The following POLQ variants were observed in gnomAD, a reference collection of about 807,000 sequenced individuals.
The protein encoded by POLQ is epididymis secretory sperm binding protein.
In POLQ, 233 loss-of-function variants were observed where a neutral mutation model predicts 259.2. The observed-to-expected ratio is 0.90, with a 90% CI of 0.81 to 1.00. The LOEUF is 1.00. Among genes scored for constraint, POLQ ranks in the 50% least tolerant of loss-of-function variants. The probability of loss-of-function intolerance (pLI) is 0.00; values close to 1 mark genes in which losing one functional copy is unlikely to be tolerated. For synonymous variants in POLQ, 1,025 were observed against 1,048.8 expected, an observed-to-expected ratio of 0.98 and a Z score of 0.44; for missense variants, 2,871 against 3,051.6, an observed-to-expected ratio of 0.94 and a Z score of 1.39.
rs2048243860 is a variant in POLQ, at chr3:121,510,236, A to C, written c.1619T>G (p.Val540Gly). Reference protein sequence around the residue: ...SMIRAILEIIVGGVASTSQDM... With the variant: ...SMIRAILEIIGGGVASTSQDM... The stretch of plus-strand genomic sequence containing the variant: ...TTGTGATGTACTTGCCACTCCACCA[A>C]CTATTATCTGAAAGAAGATATTTGG... The change falls in exon 11 of 30, where the codon GTT becomes GGT. Residue 540 changes from valine to glycine, a missense_variant. By Grantham distance (109) the Val-to-Gly change is moderately radical. Around this residue, in one of 3 missense-constraint regions of POLQ, gnomAD observed 783 missense variants for 906.2 expected, o/e 0.86. Transcript: ENST00000264233. The C allele has an allele frequency of 6.2e-7, 1 of 1,608,000 alleles. No homozygotes were observed. Among genetic ancestry groups the C allele is most frequent in the African/African-American group, 1.3e-5 (1 of 74,746 alleles).
chr3:121,519,830 C>T (rs1389435401), intron 9 of POLQ, 41 bp downstream of exon 9: 1 of 1,095,990 alleles, frequency 9.1e-7, no homozygotes, highest in South Asian at 1.2e-5. Context: ...TAGACACTGT[C>T]CTTCAGCAAT....
At chr3:121,501,145 T>C (rs1015099105) in intron 12 of POLQ, among the ~76,000 whole-genome samples, 1 of 151,542 alleles carries the variant, frequency 6.6e-6, no homozygotes, top group Non-Finnish European at 1.5e-5. Flanking sequence ...TGTATTTTTC[T>C]GGTAAAGACA....
At position 121,537,104 on chromosome 3, in the gene POLQ, A is replaced by T. The variant is rs778106949; in HGVS notation, c.736T>A (p.Ser246Thr). 2 of 1,478,520 alleles carry T rather than the reference A, an allele frequency of 1.4e-6. No individual in the cohort carries two copies. The highest frequency in any genetic ancestry group is 1.4e-5 in the African/African-American group (1 of 72,196). 91.6% of individuals were successfully genotyped at this position (1,478,520 alleles called of 1,614,324 possible). ...TCAGTTATTTCACGTACTTACCAAG[A>T]TGCTGATTTCCGAGTAATATAGCAA... ...KICYITRKSA[S>T]CQADLASSLS... The change falls in exon 5 of 30, where the codon TCT (serine) becomes ACT (threonine). Residue 246 changes from serine to threonine, a missense_variant. Around this residue, in one of 3 missense-constraint regions of POLQ, gnomAD observed 783 missense variants for 906.2 expected, o/e 0.86. Coordinates refer to ENST00000264233, the MANE Select transcript of POLQ (RefSeq NM_199420.4).
chr3:121,503,982 A>G (rs929106633), intron 12 of POLQ, among the ~76,000 whole-genome samples: 2 of 152,178 alleles, frequency 1.3e-5, no homozygotes, highest in African/African-American at 2.4e-5. Context: ...CCTCCTGAGT[A>G]GCTGGGATTA....
intron 14 of POLQ, chr3:121,494,756 A>G: frequency 6.6e-7 from 1 of 1,520,170 alleles, no homozygotes; most frequent in South Asian, 1.1e-5. Context: ...CACTTTGGCT[A>G]AGCTGGTGGA....
intron 5 of POLQ, among the ~76,000 whole-genome samples, chr3:121,536,573 C>T (rs1489777622): frequency 1.3e-5 from 2 of 152,026 alleles, no homozygotes; most frequent in African/African-American, 4.8e-5. Context: ...AAAATGTATA[C>T]ATTGAAAGGT....
intron 24 of POLQ, among the ~76,000 whole-genome samples, chr3:121,463,827 T>C (rs2047813242): frequency 1.3e-5 from 2 of 152,164 alleles, no homozygotes; most frequent in African/African-American, 2.4e-5. Flanking sequence ...CCACTATATA[T>C]ATAAAAAAGA....
chr3:121,467,743 TAAA>T, intron 23 of POLQ, 103 bp from the exon 24 acceptor site: 1 of 1,224,366 alleles, frequency 8.2e-7, no homozygotes, highest in Middle Eastern at 2.0e-4. Context: ...AGAAACTTAA[TAAA>T]AACCTTACTG....
chr3:121,544,930 A>C, intron 1 of POLQ, 24 bp from the exon 2 acceptor site: 1 of 1,469,586 alleles, frequency 6.8e-7, no homozygotes. Context: ...GAAAAAATTA[A>C]AATTTAATTT....
In POLQ at chr3:121,493,590, CA is replaced by C. The variant is rs748370795; in HGVS notation, c.2409del (p.Asn803LysfsTer29). 1 of 1,614,108 alleles carries C rather than the reference CA, an allele frequency of 6.2e-7. No homozygotes were observed. Among genetic ancestry groups the C allele is most frequent in the Non-Finnish European group, 8.5e-7 (1 of 1,179,994 alleles). The stretch of plus-strand genomic sequence containing the variant: ...GCATAGAGAACCCTGGCTCTCTGAG[CA>C]TTTAGTAAGGATACCCGAACCAGGT... ...LCDLVRVSLLNAQRARVLYAS... is the reference protein window; with the variant it reads ...LCDLVRVSLLXAQRARVLYAS... On this transcript the variant is annotated frameshift_variant, in exon 15 of 30. Coordinates refer to ENST00000264233, the MANE Select transcript of POLQ (RefSeq NM_199420.4). LOFTEE classifies it high-confidence loss of function.
chr3:121,439,893 C>A, intron 27 of POLQ, 99 bp downstream of exon 27: 2 of 1,054,632 alleles, frequency 1.9e-6, no homozygotes, highest in Non-Finnish European at 2.8e-6. Flanking sequence ...AATTAATATG[C>A]CAGTAATCCC....
chr3:121,447,171 CTT>C (rs71133535), intron 26 of POLQ, among the ~76,000 whole-genome samples: 3 of 127,442 alleles, frequency 2.4e-5, no homozygotes, highest in Admixed American at 8.4e-5. Flanking sequence ...TCTTATAACC[CTT>C]TTTTTTTTTT....
intron 25 of POLQ, among the ~76,000 whole-genome samples, chr3:121,458,568 T>C (rs1350930680): frequency 5.3e-5 from 8 of 152,186 alleles, no homozygotes; most frequent in Admixed American, 5.2e-4. Context: ...ATCTCATGGG[T>C]TATGAGAATT....
At chr3:121,544,029 CTTG>C (rs1375946017) in intron 2 of POLQ, among the ~76,000 whole-genome samples, 3 of 151,620 alleles carry the variant, frequency 2.0e-5, no homozygotes, top group African/African-American at 4.8e-5. Context: ...AAGTATATTA[CTTG>C]TTGTTTGTAT....
chr3:121,490,585 A>C, intron 15 of POLQ, 177 bp from the exon 16 acceptor site: 1 of 616,436 alleles, frequency 1.6e-6, no homozygotes, highest in South Asian at 2.0e-5. Context: ...ATAAACAAAA[A>C]GTTTAAAATG....
chr3:121,453,441 C>T (rs1243468010), intron 25 of POLQ, among the ~76,000 whole-genome samples: 6 of 152,078 alleles, frequency 3.9e-5, no homozygotes, highest in East Asian at 1.9e-4. Flanking sequence ...CAAACTACTC[C>T]GAGCTACAGG....
intron 12 of POLQ, among the ~76,000 whole-genome samples, chr3:121,500,700 A>G (rs537861833): frequency 6.6e-6 from 1 of 152,324 alleles, no homozygotes; most frequent in Non-Finnish European, 1.5e-5. Context: ...GGACAACATT[A>G]ACCTACATAT....
intron 15 of POLQ, 36 bp downstream of exon 15, chr3:121,493,442 T>C: frequency 6.7e-7 from 1 of 1,499,956 alleles, no homozygotes; most frequent in Non-Finnish European, 9.0e-7. Context: ...TTTTTTTTTA[T>C]TTCATAAGCC....
At position 121,460,113 on chromosome 3, in the gene POLQ, T is replaced by C; in HGVS notation, c.7089A>G (p.Ala2363=). 6.2e-7 allele frequency: 1 copy of C among 1,614,150 alleles called. No homozygotes were observed. The highest frequency in any genetic ancestry group is 8.5e-7 in the Non-Finnish European group (1 of 1,179,986). ...CTGGCTCAATCATCTTCCACTCTGC[T>C]GCAATGCTCCTGAAAACATCAGCTC... ...NTGADVFRSI[A]AEWKMIEPES... is the part of the protein sequence containing the mutation. Residue 2363 remains alanine (A), a synonymous_variant, in exon 25 of 30, where the codon GCA becomes GCG. Coordinates refer to ENST00000264233, the MANE Select transcript of POLQ (RefSeq NM_199420.4).
Sources: allele counts gnomAD v4.1 joint callset (sites outside exome capture counted in the v4.1 genomes callset), GRCh38; gene constraint gnomAD v4.1.1; regional missense constraint gnomAD v4.1.1; transcripts MANE v1.5; gene names NCBI Gene and HGNC (gene_info 2026-07-23, HGNC 2026-07-21).